The following OR9Q1 variants were observed in gnomAD, a reference collection of about 807,000 sequenced individuals.
OR9Q1 encodes olfactory receptor 9Q1.
For missense variants in OR9Q1, 374 were observed against 378.8 expected (o/e 0.99, Z 0.11); for synonymous variants, 153 against 148.6 (o/e 1.03, Z -0.22).
chr11:58,064,011 T>C (rs961064630), intron 2 of OR9Q1, among the ~76,000 whole-genome samples: 1 of 152,182 alleles, frequency 6.6e-6, no homozygotes, highest in South Asian at 2.1e-4. Context: ...CCTCAGATCA[T>C]GGTTGGTTGG....
intron 2 of OR9Q1, among the ~76,000 whole-genome samples, chr11:58,093,379 C>A (rs1249311983): frequency 6.6e-6 from 1 of 152,010 alleles, no homozygotes; most frequent in African/African-American, 2.4e-5. Flanking sequence ...AGACATTTTT[C>A]AAAGGAAAAC....
chr11:58,034,792 C>CCCTTCCTTCCTTCTTTCCTTCCTTCCTT (rs1853082525), intron 1 of OR9Q1, among the ~76,000 whole-genome samples: 1 of 96,050 alleles, frequency 1.0e-5, no homozygotes, highest in Non-Finnish European at 2.1e-5. Flanking sequence ...CCTCCTTTCT[C>CCCTTCCTTCCTTCTTTCCTTCCTTCCTT]CCTTCCTTCC....
chr11:58,126,213 C>G (rs978161727), intron 2 of OR9Q1, among the ~76,000 whole-genome samples: 1 of 152,206 alleles, frequency 6.6e-6, no homozygotes, highest in African/African-American at 2.4e-5. Context: ...AACCCATGAT[C>G]TCTTTGTTAG....
intron 2 of OR9Q1, among the ~76,000 whole-genome samples, chr11:58,156,846 G>C (rs1367944956): frequency 6.6e-6 from 1 of 152,124 alleles, no homozygotes; most frequent in Non-Finnish European, 1.5e-5. Context: ...GCTAGACTTA[G>C]ACTTTACATT....
At chr11:58,036,918 A>G (rs1258999179) in intron 1 of OR9Q1, among the ~76,000 whole-genome samples, 1 of 152,258 alleles carries the variant, frequency 6.6e-6, no homozygotes, top group Non-Finnish European at 1.5e-5. Context: ...AATATTCCAT[A>G]AACTTAGTTG....
At chr11:58,101,279 C>A (rs971048560) in intron 2 of OR9Q1, among the ~76,000 whole-genome samples, 1 of 152,070 alleles carries the variant, frequency 6.6e-6, no homozygotes, top group East Asian at 1.9e-4. Context: ...TCCTTTTTTG[C>A]CACATCCATG....
At chr11:58,136,008 A>G (rs1854185790) in intron 2 of OR9Q1, among the ~76,000 whole-genome samples, 1 of 152,170 alleles carries the variant, frequency 6.6e-6, no homozygotes, top group South Asian at 2.1e-4. Flanking sequence ...GGCCTATTAA[A>G]TCCTGCTGGA....
chr11:58,044,690 A>G (rs1173801535), intron 1 of OR9Q1: 1 of 152,126 alleles, frequency 6.6e-6, no homozygotes, highest in Non-Finnish European at 1.5e-5. Context: ...TGTGTTCCGT[A>G]TATCAGGTAC....
intron 2 of OR9Q1, among the ~76,000 whole-genome samples, chr11:58,059,679 C>A (rs1171614242): frequency 2.2e-5 from 2 of 89,184 alleles, no homozygotes; most frequent in Non-Finnish European, 3.9e-5. Flanking sequence ...CTGAGTGAGG[C>A]TCTGTCTCAA....
At chr11:58,036,862 G>A (rs1256011628) in intron 1 of OR9Q1, among the ~76,000 whole-genome samples, 3 of 152,210 alleles carry the variant, frequency 2.0e-5, no homozygotes, top group African/African-American at 7.2e-5. Flanking sequence ...TCTACTCCTG[G>A]TGAAGATGCT....
chr11:58,078,299 C>A (rs1040909871), intron 2 of OR9Q1: 1 of 152,172 alleles, frequency 6.6e-6, no homozygotes, highest in Non-Finnish European at 1.5e-5. Context: ...TAAGTTCCTA[C>A]ACAAATGAAG....
chr11:58,024,263 G>A (rs1030314530), intron 1 of OR9Q1, among the ~76,000 whole-genome samples, 159 bp downstream of exon 1: 3 of 152,122 alleles, frequency 2.0e-5, no homozygotes, highest in Non-Finnish European at 4.4e-5. Flanking sequence ...CAGAGAGCAG[G>A]TCTCCGGGCT....
At chr11:58,093,759 C>CAAAAAAAAAAAAAAAAA (rs71061572) in intron 2 of OR9Q1, among the ~76,000 whole-genome samples, 2 of 35,562 alleles carry the variant, frequency 5.6e-5, no homozygotes, top group African/African-American at 2.0e-4. Flanking sequence ...GACTTCATCT[C>CAAAAAAAAAAAAAAAAA]AAAAAAAAAA....
chr11:58,146,631 AAGC>A (rs1360450437), intron 2 of OR9Q1, among the ~76,000 whole-genome samples: 2 of 152,210 alleles, frequency 1.3e-5, no homozygotes, highest in African/African-American at 4.8e-5. Context: ...GAAACAAAAG[AAGC>A]AGCACAGGGT....
intron 1 of OR9Q1, among the ~76,000 whole-genome samples, chr11:58,027,420 CTGTT>C (rs1010411143): frequency 2.6e-5 from 4 of 152,158 alleles, no homozygotes; most frequent in Non-Finnish European, 5.9e-5. Flanking sequence ...AGCTTGTAGC[CTGTT>C]TGTGTATGGA....
At chr11:58,148,465 T>C (rs1043712158) in intron 2 of OR9Q1, among the ~76,000 whole-genome samples, 2 of 152,154 alleles carry the variant, frequency 1.3e-5, no homozygotes, top group Non-Finnish European at 1.5e-5. Flanking sequence ...TTTCTTTTTT[T>C]CCTCCTTGCT....
intron 2 of OR9Q1, among the ~76,000 whole-genome samples, chr11:58,056,284 G>A (rs1853327357): frequency 6.6e-6 from 1 of 152,116 alleles, no homozygotes; most frequent in Admixed American, 6.5e-5. Flanking sequence ...AGTTCTCTCT[G>A]TTGGACCTAG....
chr11:58,054,224 G>T (rs114976812), intron 1 of OR9Q1, among the ~76,000 whole-genome samples: 2,086 of 152,296 alleles, frequency 0.014, 36 homozygotes, highest in African/African-American at 0.047. Context: ...CCAGTGGTTT[G>T]ATCTTCAAAC....
intron 2 of OR9Q1, among the ~76,000 whole-genome samples, chr11:58,158,908 G>T (rs1031008185): frequency 6.6e-6 from 1 of 152,194 alleles, no homozygotes; most frequent in Non-Finnish European, 1.5e-5. Context: ...AATGAGATAT[G>T]AGGAAGGAAC....
Sources: gnomAD v4.1 joint callset for allele counts (sites outside exome capture counted in the v4.1 genomes callset) on GRCh38, gnomAD v4.1.1 for gene constraint, MANE v1.5 for transcripts, NCBI Gene and HGNC (gene_info 2026-07-23, HGNC 2026-07-21) for gene names.